DDHD1: variants seen among roughly 807,000 people sequenced by gnomAD.
DDHD1 encodes the protein DDHD domain containing 1.
A neutral mutation model predicts 96.4 loss-of-function variants in DDHD1; 49 were observed. That is an observed-to-expected ratio of 0.51 (90% CI 0.40 to 0.64). The LOEUF (loss-of-function observed/expected upper bound fraction) is 0.64, where lower values mean the gene tolerates loss of function less well. DDHD1 is among the 30% of genes least tolerant of loss of function. DDHD1 has a pLI of 0.00. For missense variants in DDHD1, 1,106 were observed against 1,161.2 expected (o/e 0.95, Z 0.69); for synonymous variants, 442 against 446.5 (o/e 0.99, Z 0.13).
intron 1 of DDHD1, among the ~76,000 whole-genome samples, chr14:53,124,643 G>A (rs1472965676): frequency 2.0e-5 from 3 of 152,170 alleles, no homozygotes; most frequent in Non-Finnish European, 4.4e-5. Flanking sequence ...TCCGGACAAT[G>A]TAAGTATACC....
intron 11 of DDHD1, chr14:53,053,395 C>T (rs1882772954): frequency 6.6e-6 from 1 of 151,968 alleles, no homozygotes; most frequent in African/African-American, 2.4e-5. Context: ...TTTTCAGTGT[C>T]CAGAGTCTGG....
chr14:53,058,059 C>G (rs531200153), intron 9 of DDHD1, among the ~76,000 whole-genome samples: 2 of 152,246 alleles, frequency 1.3e-5, no homozygotes, highest in South Asian at 4.1e-4. Flanking sequence ...AGGCTAGTCT[C>G]GAACTTGAGC....
In DDHD1 at chr14:53,058,457, G is replaced by T. The variant is rs759128001; in HGVS notation, c.1992+20C>A. 2 of 1,582,406 alleles carry T rather than the reference G, an allele frequency of 1.3e-6. No homozygotes were observed. The highest frequency in any genetic ancestry group is 2.7e-5 in the African/African-American group (2 of 73,184). ...AACAATTTGACATTGAGAAAAAAAA[G>T]AGTCTATATTGCAACTCACCACTGG... On this transcript the variant is annotated intron_variant, in intron 9 of 12. Coordinates refer to ENST00000673822, the MANE Select transcript of DDHD1 (RefSeq NM_001160148.2).
chr14:53,145,252 G>A (rs987994194), intron 1 of DDHD1, among the ~76,000 whole-genome samples: 13 of 151,786 alleles, frequency 8.6e-5, no homozygotes, highest in South Asian at 8.4e-4. Flanking sequence ...CAGTCCCAGC[G>A]CTGTGGGAGG....
chr14:53,088,462 C>T (rs1444719720), intron 4 of DDHD1, among the ~76,000 whole-genome samples: 4 of 152,178 alleles, frequency 2.6e-5, no homozygotes, highest in East Asian at 3.9e-4. Flanking sequence ...CATCAAAAAG[C>T]GTATCCACCA....
intron 8 of DDHD1, 128 bp downstream of exon 8, chr14:53,060,993 ATATAG>A: frequency 1.2e-6 from 1 of 849,202 alleles, no homozygotes; most frequent in South Asian, 1.7e-5. Flanking sequence ...AGTGTCCAAC[ATATAG>A]TATATGTTGA....
At chr14:53,060,166 T>C (rs950023688) in intron 8 of DDHD1, among the ~76,000 whole-genome samples, 1 of 152,204 alleles carries the variant, frequency 6.6e-6, no homozygotes, top group Non-Finnish European at 1.5e-5. Context: ...TACAGTATAC[T>C]AGACATGAGC....
intron 1 of DDHD1, among the ~76,000 whole-genome samples, chr14:53,122,559 G>T: frequency 6.7e-6 from 1 of 148,578 alleles, no homozygotes; most frequent in Non-Finnish European, 1.5e-5. Flanking sequence ...TCTTTGCTCT[G>T]TTACTTTGTT....
intron 12 of DDHD1, among the ~76,000 whole-genome samples, 199 bp from the exon 13 acceptor site, chr14:53,047,148 C>A (rs1211935868): frequency 6.6e-6 from 1 of 152,016 alleles, no homozygotes; most frequent in Non-Finnish European, 1.5e-5. Context: ...TTGTAAAGTT[C>A]TTTCCTTTGT....
intron 1 of DDHD1, among the ~76,000 whole-genome samples, chr14:53,142,472 A>C (rs116909660): frequency 0.014 from 2,115 of 152,280 alleles, 15 homozygotes; most frequent in Non-Finnish European, 0.019. Context: ...AAAAAAAAAA[A>C]AAAACAGGAA....
At chr14:53,076,780 C>G (rs1884996229) in intron 4 of DDHD1, among the ~76,000 whole-genome samples, 1 of 152,082 alleles carries the variant, frequency 6.6e-6, no homozygotes, top group South Asian at 2.1e-4. Flanking sequence ...GACGCAAGAC[C>G]CTTCAACAGC....
At chr14:53,143,739 G>A (rs890492429) in intron 1 of DDHD1, among the ~76,000 whole-genome samples, 3 of 152,214 alleles carry the variant, frequency 2.0e-5, no homozygotes, top group Non-Finnish European at 2.9e-5. Context: ...ATAAGCATGC[G>A]AGGGCAAATA....
Position 53,043,652 on chromosome 14 carries a change from T to C in DDHD1, c.*3116A>G, listed in dbSNP as rs974674912. 2 of 152,210 alleles carry C rather than the reference T, an allele frequency of 1.3e-5. No homozygotes were observed. Among genetic ancestry groups the C allele is most frequent in the Non-Finnish European group, 2.9e-5 (2 of 68,036 alleles). 9.4% of individuals were successfully genotyped at this position (152,210 alleles called of 1,614,324 possible). A position where few individuals can be genotyped will look rare whatever the true frequency, so the allele number is the denominator to read the frequency against. ...CATGTTGTCCAGGTTGGTTTTCAAC[T>C]CTTGGGCTCAAGTAATCTTCCCTGC... On this transcript the variant is annotated 3_prime_UTR_variant, in exon 13 of 13. Coordinates refer to ENST00000673822, the MANE Select transcript of DDHD1 (RefSeq NM_001160148.2).
intron 5 of DDHD1, 97 bp downstream of exon 5, chr14:53,073,644 A>C: frequency 2.2e-6 from 2 of 906,998 alleles, no homozygotes; most frequent in African/African-American, 1.7e-5. Context: ...AAGACACTAC[A>C]TTCTCAATTA....
chr14:53,120,095 G>A (rs1888869069), intron 1 of DDHD1, among the ~76,000 whole-genome samples: 2 of 152,200 alleles, frequency 1.3e-5, no homozygotes, highest in African/African-American at 4.8e-5. Flanking sequence ...AGCAGCTTCA[G>A]CAAAGTCTCA....
intron 1 of DDHD1, among the ~76,000 whole-genome samples, chr14:53,111,685 T>G (rs759024319): frequency 2.6e-5 from 4 of 152,232 alleles, no homozygotes; most frequent in Non-Finnish European, 5.9e-5. Context: ...ATTTTTCACT[T>G]TAATGCTTGA....
intron 1 of DDHD1, among the ~76,000 whole-genome samples, chr14:53,142,735 C>A (rs966744181): frequency 6.6e-6 from 1 of 152,230 alleles, no homozygotes; most frequent in Non-Finnish European, 1.5e-5. Flanking sequence ...GACTGGTGAA[C>A]TTCTCCCAGG....
At chr14:53,079,038 G>C (rs1885212422) in intron 4 of DDHD1, among the ~76,000 whole-genome samples, 1 of 151,320 alleles carries the variant, frequency 6.6e-6, no homozygotes, top group Non-Finnish European at 1.5e-5. Flanking sequence ...ACCCAATCTT[G>C]TATTCCTGGA....
chr14:53,136,955 A>G (rs1566600240), intron 1 of DDHD1, among the ~76,000 whole-genome samples: 1 of 152,356 alleles, frequency 6.6e-6, no homozygotes, highest in East Asian at 1.9e-4. Flanking sequence ...AAGTCCGTCA[A>G]TAAAAACATC....
Sources: allele counts gnomAD v4.1 joint callset (sites outside exome capture counted in the v4.1 genomes callset), GRCh38; gene constraint gnomAD v4.1.1; transcripts MANE v1.5; gene names NCBI Gene and HGNC (gene_info 2026-07-23, HGNC 2026-07-21).